The following MAF1 variants were observed in gnomAD, a reference collection of about 807,000 sequenced individuals.
MAF1 encodes MAF1 negative regulator of RNA polymerase III.
MAF1 carries 7 observed loss-of-function variants against 31.9 expected under a neutral mutation model. The observed-to-expected ratio is 0.22, with a 90% confidence interval of 0.12 to 0.41. MAF1 has a LOEUF of 0.41. Among genes scored for constraint, MAF1 ranks in the 10% least tolerant of loss-of-function variants. The probability of loss-of-function intolerance (pLI) is 1.00; values close to 1 mark genes in which losing one functional copy is unlikely to be tolerated. For synonymous variants in MAF1, 157 were observed against 120.0 expected (o/e 1.31, Z -2.02); for missense variants, 221 against 323.1 (o/e 0.68, Z 2.42).
Position 144,106,815 on chromosome 8 carries a change from G to C in MAF1, c.621-20G>C, listed in dbSNP as rs995135588. Reference sequence around the variant, plus strand: ...GGCCTGGGTAGGGGTCCTGAAACTGGTTTCCCTGCCTCCCCTCAGTGGCTC... The same window carrying C: ...GGCCTGGGTAGGGGTCCTGAAACTGCTTTCCCTGCCTCCCCTCAGTGGCTC... On this transcript the variant is annotated intron_variant, in intron 6 of 7. Transcript: ENST00000322428. 2 of 1,536,286 alleles carry C rather than the reference G, an allele frequency of 1.3e-6. No homozygotes were observed. The highest frequency in any genetic ancestry group is 1.4e-5 in the African/African-American group (1 of 72,342).
At position 144,107,509 on chromosome 8, in the gene MAF1, G is replaced by A. The variant is rs377033875; in HGVS notation, c.*400G>A. 2.3e-4 allele frequency: 134 copies of A among 591,974 alleles called. No homozygotes were observed. The highest frequency in any genetic ancestry group is 2.3e-3 in the Middle Eastern group (5 of 2,210). 36.7% of individuals were successfully genotyped at this position (591,974 alleles called of 1,614,324 possible). On this transcript the variant is annotated 3_prime_UTR_variant, in exon 8 of 8. Transcript: ENST00000322428. ...AGTCACCGGCTCTGGTCTTGGGCCG[G>A]CCCCGGTGCCCACCTGTACCCCCAC...
In MAF1 at chr8:144,106,115, C is replaced by T; in HGVS notation, c.252C>T (p.Leu84=). 5.0e-6 allele frequency: 8 copies of T among 1,613,738 alleles called. No homozygotes were observed. Among genetic ancestry groups the T allele is most frequent in the Non-Finnish European group, 6.8e-6 (8 of 1,180,032 alleles). ...KSQGGEEEGP[L]SDKCSRKTLF... ...AAGGCGGTGAGGAGGAGGGCCCCCT[C>T]AGTGACAAGTGCAGCCGCAAGACCC... is the stretch of plus-strand genomic sequence containing the variant. The change falls in exon 4 of 8, where the codon CTC becomes CTT. Residue 84 remains leucine, a synonymous_variant. Transcript: ENST00000322428.
chr8:144,106,582 C>G lies in MAF1; in HGVS notation c.528C>G (p.Pro176=). Residue 176 remains proline, a synonymous_variant, in exon 6 of 8, where the codon CCC becomes CCG. Coordinates refer to ENST00000322428, the MANE Select transcript of MAF1 (RefSeq NM_032272.5). ...ATAACCCAGACTTGGACTCAGATCC[C>G]TTCGGGGAGGATGGTAGCCTCTGGT... is the stretch of plus-strand genomic sequence containing the variant. ...YSYNPDLDSD[P]FGEDGSLWSF... 6 of 1,613,946 alleles carry G rather than the reference C, an allele frequency of 3.7e-6. No individual in the cohort carries two copies. Among genetic ancestry groups the G allele is most frequent in the Non-Finnish European group, 5.1e-6 (6 of 1,180,018 alleles).
chr8:144,107,397 C>T lies in MAF1; in HGVS notation c.*288C>T, dbSNP rs755695152. On this transcript the variant is annotated 3_prime_UTR_variant, in exon 8 of 8. Transcript: ENST00000322428. ...ACTGCCACAGCAGGGACAGCTGGAC[C>T]GCAGAGTTTATTTTTGTATTTCTAC... The T allele has an allele frequency of 1.2e-5, 7 of 589,674 alleles. No individual in the cohort carries two copies. The highest frequency in any genetic ancestry group is 3.0e-5 in the Admixed American group (1 of 33,554). The allele number at this position is 589,674 out of a possible 1,614,324, so 36.5% of individuals were successfully genotyped here.
Position 144,107,481 on chromosome 8 carries a change from A to G in MAF1, c.*372A>G, listed in dbSNP as rs1836438185. The G allele has an allele frequency of 3.4e-6, 2 of 588,418 alleles. No homozygotes were observed. The highest frequency in any genetic ancestry group is 6.1e-6 in the Non-Finnish European group (2 of 329,974). The allele number at this position is 588,418 out of a possible 1,614,324, so 36.4% of individuals were successfully genotyped here. On this transcript the variant is annotated 3_prime_UTR_variant, in exon 8 of 8. Coordinates refer to ENST00000322428, the MANE Select transcript of MAF1 (RefSeq NM_032272.5). ...GCCGGAGGCCCCACGAGCAGGCCCCAGCAGTCACCGGCTCTGGTCTTGGGC... is the reference window on the plus strand; with the variant it reads ...GCCGGAGGCCCCACGAGCAGGCCCCGGCAGTCACCGGCTCTGGTCTTGGGC...
chr8:144,104,995 C>G (rs1444443413), intron 1 of MAF1, 137 bp downstream of exon 1: 1 of 152,244 alleles, frequency 6.6e-6, no homozygotes, highest in Non-Finnish European at 1.5e-5. Flanking sequence ...CCCAGGCGGG[C>G]GCTGCCTGGT....
intron 7 of MAF1, 28 bp downstream of exon 7, chr8:144,106,991 C>A: frequency 6.5e-7 from 1 of 1,547,054 alleles, no homozygotes. Flanking sequence ...TGACCCGGGT[C>A]CTTGAAGCCT....
Position 144,105,854 on chromosome 8 carries a change from C to G in MAF1, c.84-15C>G. The G allele has an allele frequency of 2.5e-6, 4 of 1,612,966 alleles. No individual in the cohort carries two copies. Among genetic ancestry groups the G allele is most frequent in the Non-Finnish European group, 2.5e-6 (3 of 1,180,008 alleles). On this transcript the variant is annotated splice_polypyrimidine_tract_variant and intron_variant, in intron 2 of 7. Transcript: ENST00000322428. ...TGGGGGAAGCATGCTTCATGGTTCT[C>G]TCTGCATCCTATAGGATTGAGAGCT...
chr8:144,106,307 C>T (rs750966711), intron 4 of MAF1, 36 bp from the exon 5 acceptor site: 1 of 1,612,726 alleles, frequency 6.2e-7, no homozygotes. Context: ...TTGGGTAGCC[C>T]TGGGCTCCTG....
chr8:144,105,037 G>A (rs1400817411), intron 1 of MAF1, 179 bp downstream of exon 1: 1 of 152,272 alleles, frequency 6.6e-6, no homozygotes, highest in East Asian at 1.9e-4. Flanking sequence ...CCGAGGGACC[G>A]CCCTCCTAGG....
chr8:144,107,523 C>T lies in MAF1; in HGVS notation c.*414C>T. ...GTCTTGGGCCGGCCCCGGTGCCCAC[C>T]TGTACCCCCACCTCGCCCATTTGGC... On this transcript the variant is annotated 3_prime_UTR_variant, in exon 8 of 8. Coordinates refer to ENST00000322428, the MANE Select transcript of MAF1 (RefSeq NM_032272.5). 1.7e-6 allele frequency: 1 copy of T among 604,298 alleles called. No individual in the cohort carries two copies. Among genetic ancestry groups the T allele is most frequent in the Non-Finnish European group, 3.0e-6 (1 of 337,350 alleles). The allele number at this position is 604,298 out of a possible 1,614,324, so 37.4% of individuals were successfully genotyped here. A position where few individuals can be genotyped will look rare whatever the true frequency, so the allele number is the denominator to read the frequency against.
rs986721223 is a variant in MAF1, at chr8:144,107,384, G to A, written c.*275G>A. The A allele has an allele frequency of 4.7e-4, 282 of 595,908 alleles. 1 individual carries two copies. In the African/African-American group the frequency reaches 4.8e-3, roughly 10 times the overall value. 36.9% of individuals were successfully genotyped at this position (595,908 alleles called of 1,614,324 possible). On this transcript the variant is annotated 3_prime_UTR_variant, in exon 8 of 8. Transcript: ENST00000322428. ...CCTGCCCAAATGAACTGCCACAGCAGGGACAGCTGGACCGCAGAGTTTATT... is the reference window on the plus strand; with the variant it reads ...CCTGCCCAAATGAACTGCCACAGCAAGGACAGCTGGACCGCAGAGTTTATT...
chr8:144,107,220 A>G lies in MAF1; in HGVS notation c.*111A>G, dbSNP rs1836432845. The G allele has an allele frequency of 7.2e-7, 1 of 1,392,216 alleles. No homozygotes were observed. The highest frequency in any genetic ancestry group is 1.0e-6 in the Non-Finnish European group (1 of 1,003,772). 86.2% of individuals were successfully genotyped at this position (1,392,216 alleles called of 1,614,324 possible). A position where few individuals can be genotyped will look rare whatever the true frequency, so the allele number is the denominator to read the frequency against. The stretch of plus-strand genomic sequence containing the variant: ...CTGCTGGCCAGACCCTGGCGCTGCC[A>G]CAGTCCTGGCACTGCCCAAGGCCAT... On this transcript the variant is annotated 3_prime_UTR_variant, in exon 8 of 8. Transcript: ENST00000322428.
intron 1 of MAF1, 200 bp from the exon 2 acceptor site, chr8:144,105,440 G>A (rs1354118202): frequency 3.5e-6 from 2 of 563,474 alleles, no homozygotes; most frequent in South Asian, 2.0e-5. Context: ...CTGACCTGGA[G>A]CCTGGACTTA....
At chr8:144,105,102 C>T (rs765037666) in intron 1 of MAF1, 7 of 153,214 alleles carry the variant, frequency 4.6e-5, no homozygotes, top group Admixed American at 1.3e-4. Context: ...CTGTAGTTTT[C>T]CTCTCCCCGG....
At position 144,106,331 on chromosome 8, in the gene MAF1, G is replaced by C. The variant is rs772169439; in HGVS notation, c.379-12G>C. On this transcript the variant is annotated splice_polypyrimidine_tract_variant and intron_variant, in intron 4 of 7. Coordinates refer to ENST00000322428, the MANE Select transcript of MAF1 (RefSeq NM_032272.5). ...CCTGGGCTCCTGTCACCCTGACTGTGACCTGCCCTAGGTGGTGAATGCAGT... is the reference window on the plus strand; with the variant it reads ...CCTGGGCTCCTGTCACCCTGACTGTCACCTGCCCTAGGTGGTGAATGCAGT... 6.2e-7 allele frequency: 1 copy of C among 1,613,130 alleles called. No individual in the cohort carries two copies. Among genetic ancestry groups the C allele is most frequent in the South Asian group, 1.1e-5 (1 of 91,062 alleles).
Position 144,107,492 on chromosome 8 carries a change from G to T in MAF1, c.*383G>T. On this transcript the variant is annotated 3_prime_UTR_variant, in exon 8 of 8. Transcript: ENST00000322428. The stretch of plus-strand genomic sequence containing the variant: ...CACGAGCAGGCCCCAGCAGTCACCG[G>T]CTCTGGTCTTGGGCCGGCCCCGGTG... 1 of 591,180 alleles carries T rather than the reference G, an allele frequency of 1.7e-6. No homozygotes were observed. Among genetic ancestry groups the T allele is most frequent in the Non-Finnish European group, 3.0e-6 (1 of 331,524 alleles). 36.6% of individuals were successfully genotyped at this position (591,180 alleles called of 1,614,324 possible). A position where few individuals can be genotyped will look rare whatever the true frequency, so the allele number is the denominator to read the frequency against.
At chr8:144,105,796 G>A (rs776502638) in intron 2 of MAF1, 30 bp downstream of exon 2, 80 of 1,612,540 alleles carry the variant, frequency 5.0e-5, no homozygotes, top group Non-Finnish European at 5.8e-5. Context: ...CTGGCATCTC[G>A]GAGGTCACAC....
chr8:144,106,486 TGGCCTCCA>T (rs1335754361), intron 5 of MAF1, 22 bp downstream of exon 5: 31 of 1,613,928 alleles, frequency 1.9e-5, no homozygotes, highest in Non-Finnish European at 2.6e-5. Context: ...TCCCTGCAGA[TGGCCTCCA>T]GGCCTCCAGG....
Sources: gnomAD v4.1 joint callset for allele counts on GRCh38, gnomAD v4.1.1 for gene constraint, MANE v1.5 for transcripts, NCBI Gene and HGNC (gene_info 2026-07-23, HGNC 2026-07-21) for gene names.